Variants in PEBP4 observed in about 807,000 individuals in gnomAD.
PEBP4 encodes the protein phosphatidylethanolamine-binding protein 4.
Under a neutral mutation model 23.9 loss-of-function variants are expected in PEBP4, and 22 were observed. The ratio of observed to expected loss-of-function variants is 0.92; its 90% CI spans 0.66 to 1.31. The LOEUF (loss-of-function observed/expected upper bound fraction) is 1.31, where lower values mean the gene tolerates loss of function less well. Ranked by LOEUF, PEBP4 falls within the 40% of genes most tolerant of loss-of-function variation. PEBP4 has a pLI of 0.00. For synonymous variants in PEBP4, 112 were observed against 99.3 expected (o/e 1.13, Z -0.76); for missense variants, 324 against 281.7 (o/e 1.15, Z -1.07).
At chr8:22,844,104 G>A (rs943780065) in intron 3 of PEBP4, among the ~76,000 whole-genome samples, 1 of 152,152 alleles carries the variant, frequency 6.6e-6, no homozygotes, top group Non-Finnish European at 1.5e-5. Flanking sequence ...ATTCGGCCCC[G>A]GAAATTTTCT....
At chr8:22,940,882 G>A (rs1414116388) in intron 1 of PEBP4, among the ~76,000 whole-genome samples, 4 of 152,144 alleles carry the variant, frequency 2.6e-5, no homozygotes, top group East Asian at 1.9e-4. Flanking sequence ...ACACAAACAG[G>A]GAAGAAGAGC....
At chr8:22,823,565 A>T (rs1806905820) in intron 3 of PEBP4, among the ~76,000 whole-genome samples, 1 of 151,766 alleles carries the variant, frequency 6.6e-6, no homozygotes, top group Admixed American at 6.6e-5. Flanking sequence ...ATCTTTATAG[A>T]TATATTTGCA....
chr8:22,784,854 A>G (rs551420315), intron 4 of PEBP4, among the ~76,000 whole-genome samples: 5 of 152,206 alleles, frequency 3.3e-5, no homozygotes, highest in African/African-American at 4.8e-5. Context: ...TCGAGGTTAC[A>G]TAACCCTCTG....
intron 4 of PEBP4, among the ~76,000 whole-genome samples, chr8:22,732,135 A>G (rs1381369374): frequency 6.8e-6 from 1 of 147,250 alleles, no homozygotes; most frequent in African/African-American, 2.5e-5. Flanking sequence ...TGTGCCTAGG[A>G]GGACATTCTG....
chr8:22,909,285 CAT>C (rs1808884735), intron 3 of PEBP4, among the ~76,000 whole-genome samples: 1 of 152,092 alleles, frequency 6.6e-6, no homozygotes, highest in African/African-American at 2.4e-5. Context: ...CTCCCTACCC[CAT>C]CCTCTGCGGC....
At chr8:22,778,484 G>C (rs908218860) in intron 4 of PEBP4, among the ~76,000 whole-genome samples, 2 of 151,742 alleles carry the variant, frequency 1.3e-5, no homozygotes, top group African/African-American at 4.8e-5. Flanking sequence ...TCTTGGGTTC[G>C]AGTGATAACT....
chr8:22,870,353 G>A (rs1807983762), intron 3 of PEBP4, among the ~76,000 whole-genome samples: 1 of 152,278 alleles, frequency 6.6e-6, no homozygotes, highest in African/African-American at 2.4e-5. Context: ...ACATGCGGTA[G>A]GATCCTAACT....
chr8:22,818,211 C>A (rs951308036), intron 3 of PEBP4, among the ~76,000 whole-genome samples: 1 of 152,242 alleles, frequency 6.6e-6, no homozygotes, highest in Non-Finnish European at 1.5e-5. Flanking sequence ...TTGCTGAACA[C>A]CTACTGTGTG....
chr8:22,873,816 G>A (rs774442147), intron 3 of PEBP4, among the ~76,000 whole-genome samples: 19 of 152,054 alleles, frequency 1.2e-4, no homozygotes, highest in Non-Finnish European at 2.4e-4. Flanking sequence ...AATATTGATC[G>A]GGAGGTCGGG....
At chr8:22,808,319 ATCCAT>A (rs1162929090) in intron 4 of PEBP4, among the ~76,000 whole-genome samples, 1 of 152,012 alleles carries the variant, frequency 6.6e-6, no homozygotes, top group African/African-American at 2.4e-5. Context: ...CTATCCCTCT[ATCCAT>A]TCACCCACTC....
intron 4 of PEBP4, among the ~76,000 whole-genome samples, chr8:22,794,161 T>C (rs1316755658): frequency 1.3e-5 from 2 of 152,364 alleles, no homozygotes; most frequent in African/African-American, 4.8e-5. Context: ...TTCTACTTAG[T>C]ATTTTTCTAT....
intron 4 of PEBP4, among the ~76,000 whole-genome samples, chr8:22,806,146 T>C (rs751878741): frequency 6.6e-6 from 1 of 152,246 alleles, no homozygotes; most frequent in Non-Finnish European, 1.5e-5. Flanking sequence ...TCTGTATGTG[T>C]GCAACTGATT....
At chr8:22,780,183 CA>C (rs996383690) in intron 4 of PEBP4, among the ~76,000 whole-genome samples, 6 of 152,248 alleles carry the variant, frequency 3.9e-5, no homozygotes, top group African/African-American at 1.4e-4. Flanking sequence ...AGGCTGGTCT[CA>C]AACTCCTAAG....
intron 4 of PEBP4, among the ~76,000 whole-genome samples, chr8:22,816,534 G>A (rs148403960): frequency 2.4e-4 from 37 of 152,356 alleles, no homozygotes; most frequent in Admixed American, 1.2e-3. Flanking sequence ...CATAGTTGCA[G>A]AATTATTTGT....
chr8:22,825,203 A>T (rs182033090), intron 3 of PEBP4, among the ~76,000 whole-genome samples: 2 of 152,352 alleles, frequency 1.3e-5, no homozygotes, highest in East Asian at 3.9e-4. Context: ...AAAGTGGAAA[A>T]CAACCTATTC....
intron 4 of PEBP4, among the ~76,000 whole-genome samples, chr8:22,814,386 A>G (rs1806695476): frequency 6.6e-6 from 1 of 152,212 alleles, no homozygotes; most frequent in South Asian, 2.1e-4. Context: ...CAGGCATCTA[A>G]CTTTTGGCTT....
intron 6 of PEBP4, among the ~76,000 whole-genome samples, chr8:22,721,993 G>A (rs1804528979): frequency 1.3e-5 from 2 of 152,128 alleles, no homozygotes; most frequent in Non-Finnish European, 2.9e-5. Flanking sequence ...CCCTCTGGTG[G>A]TGTCCTGTCC....
rs146704022 is a variant in PEBP4 at position 22,735,767 on chromosome 8, A to G, written c.358-8547T>C. On this transcript the variant is annotated intron_variant, in intron 4 of 6. Transcript: ENST00000256404. ...CACTGCCCACGTGGCAGGTCAGAGCAGGATGCTGCTGAATTTTGTCATCGA... is the reference window on the plus strand; with the variant it reads ...CACTGCCCACGTGGCAGGTCAGAGCGGGATGCTGCTGAATTTTGTCATCGA... 4.3e-3 allele frequency among the ~76,000 whole-genome samples: 651 copies of G among 152,356 alleles called. 5 individuals carry two copies. The highest frequency in any genetic ancestry group is 0.015 in the African/African-American group (621 of 41,582).
intron 2 of PEBP4, 76 bp from the exon 3 acceptor site, chr8:22,920,386 A>G: frequency 1.4e-6 from 2 of 1,469,818 alleles, no homozygotes; most frequent in Admixed American, 3.9e-5. Context: ...TCAGTCTAGC[A>G]CTATTGGGAA....
Sources: gnomAD v4.1 joint callset for allele counts (sites outside exome capture counted in the v4.1 genomes callset) on GRCh38, gnomAD v4.1.1 for gene constraint, MANE v1.5 for transcripts, NCBI Gene and HGNC (gene_info 2026-07-23, HGNC 2026-07-21) for gene names.